MARCHF1: variants seen among roughly 807,000 people sequenced by gnomAD.
MARCHF1 encodes the protein membrane associated ring-CH-type finger 1.
A neutral mutation model predicts 54.2 loss-of-function variants in MARCHF1; 40 were observed. The ratio of observed to expected loss-of-function variants is 0.74; its 90% CI spans 0.57 to 0.96. MARCHF1 has a LOEUF of 0.96. Among genes scored for constraint, MARCHF1 ranks in the 40% least tolerant of loss-of-function variants. MARCHF1 has a pLI of 0.00. For missense variants in MARCHF1, 586 were observed against 656.5 expected, an observed-to-expected ratio of 0.89 and a Z score of 1.17; for synonymous variants, 236 against 236.3, an observed-to-expected ratio of 1.00 and a Z score of 0.01.
chr4:163,677,501 T>A (rs1387935433), intron 5 of MARCHF1, among the ~76,000 whole-genome samples: 1 of 152,236 alleles, frequency 6.6e-6, no homozygotes, highest in Non-Finnish European at 1.5e-5. Context: ...CCATGTTTAG[T>A]GCTTTTGTAA....
chr4:163,917,633 T>A (rs1178850886), intron 3 of MARCHF1, among the ~76,000 whole-genome samples: 1 of 152,198 alleles, frequency 6.6e-6, no homozygotes, highest in Non-Finnish European at 1.5e-5. Context: ...CTTCAACTTT[T>A]AAGTTCCAGG....
intron 2 of MARCHF1, among the ~76,000 whole-genome samples, chr4:164,048,950 G>A (rs1463666495): frequency 6.6e-6 from 1 of 152,034 alleles, no homozygotes; most frequent in Non-Finnish European, 1.5e-5. Flanking sequence ...AACTTTCTAA[G>A]CTAGATAATA....
chr4:163,866,074 T>C (rs946993267), intron 3 of MARCHF1, among the ~76,000 whole-genome samples: 2 of 151,718 alleles, frequency 1.3e-5, no homozygotes, highest in Non-Finnish European at 3.0e-5. Flanking sequence ...TTGACTTTGG[T>C]CTCTAGGGAA....
intron 4 of MARCHF1, among the ~76,000 whole-genome samples, chr4:163,758,441 C>T (rs919400448): frequency 6.6e-6 from 1 of 152,072 alleles, no homozygotes; most frequent in Non-Finnish European, 1.5e-5. Context: ...ACTAGACTGT[C>T]GTATGTGATA....
In MARCHF1 at chr4:163,545,746, GC is replaced by G. The variant is rs1738878884; in HGVS notation, c.1192-4del. On this transcript the variant is annotated splice_region_variant and splice_polypyrimidine_tract_variant and intron_variant, in intron 8 of 9. Coordinates refer to ENST00000514618, the MANE Select transcript of MARCHF1 (RefSeq NM_001394959.1). ...GTGGTCATCTGTAGTTTCTCCCACTGCAATCAGAAATGAAGGACACAAAACT... is the reference window on the plus strand; with the variant it reads ...GTGGTCATCTGTAGTTTCTCCCACTGAATCAGAAATGAAGGACACAAAACT... The G allele has an allele frequency of 7.4e-6, 12 of 1,612,080 alleles. No individual in the cohort carries two copies. Among genetic ancestry groups the G allele is most frequent in the Non-Finnish European group, 1.0e-5 (12 of 1,179,366 alleles).
At chr4:163,721,342 C>T (rs529080404) in intron 4 of MARCHF1, among the ~76,000 whole-genome samples, 3,607 of 152,172 alleles carry the variant, frequency 0.024, 58 homozygotes, top group Non-Finnish European at 0.029. Context: ...TATTGATTTG[C>T]ATATGTTGAA....
At chr4:163,797,883 C>T (rs1747963989) in intron 4 of MARCHF1, among the ~76,000 whole-genome samples, 1 of 152,064 alleles carries the variant, frequency 6.6e-6, no homozygotes. Context: ...TTGTTTTCTG[C>T]TCACACTCAT....
chr4:164,236,268 C>T lies in MARCHF1; in HGVS notation c.-322-124606G>A, dbSNP rs538450452. ...TCCACAGCAGCTGGTTGAAACATTT[C>T]CATTAATAAATCAATATATAACCTT... On this transcript the variant is annotated intron_variant, in intron 1 of 9. Transcript: ENST00000514618. Among the ~76,000 whole-genome samples, 8 of 152,178 alleles carry T rather than the reference C, an allele frequency of 5.3e-5. No individual in the cohort carries two copies. The East Asian group carries it at 1.4e-3, about 26-fold the overall frequency.
intron 1 of MARCHF1, among the ~76,000 whole-genome samples, chr4:164,250,317 CAAATT>C (rs1733087792): frequency 1.3e-5 from 2 of 151,728 alleles, no homozygotes; most frequent in African/African-American, 4.8e-5. Flanking sequence ...TGTAGATATT[CAAATT>C]AACTGTTACA....
intron 1 of MARCHF1, among the ~76,000 whole-genome samples, chr4:164,119,828 C>A (rs1756026188): frequency 6.6e-6 from 1 of 151,552 alleles, no homozygotes; most frequent in African/African-American, 2.4e-5. Context: ...GATCAATTTT[C>A]AAAAAGAAAA....
intron 4 of MARCHF1, among the ~76,000 whole-genome samples, chr4:163,739,863 G>C (rs919991204): frequency 1.3e-5 from 2 of 152,054 alleles, no homozygotes; most frequent in Non-Finnish European, 2.9e-5. Context: ...TTGTAAAAAA[G>C]CCTATTTGTT....
At chr4:163,973,205 G>A (rs1042297390) in intron 3 of MARCHF1, among the ~76,000 whole-genome samples, 1 of 152,196 alleles carries the variant, frequency 6.6e-6, no homozygotes, top group Non-Finnish European at 1.5e-5. Flanking sequence ...TTCTGTTGCT[G>A]TATAACAAAC....
chr4:164,241,823 A>G (rs1201985076), intron 1 of MARCHF1, among the ~76,000 whole-genome samples: 4 of 152,228 alleles, frequency 2.6e-5, no homozygotes, highest in South Asian at 2.1e-4. Context: ...GGGAAGCACA[A>G]GAGGTCAGGG....
At chr4:163,586,346 G>A (rs1365945367) in intron 7 of MARCHF1, among the ~76,000 whole-genome samples, 1 of 152,052 alleles carries the variant, frequency 6.6e-6, no homozygotes, top group Admixed American at 6.5e-5. Context: ...ATCTCGTTAT[G>A]TATGTGCAAA....
intron 5 of MARCHF1, among the ~76,000 whole-genome samples, chr4:163,651,182 C>A (rs1419096089): frequency 6.6e-6 from 1 of 151,802 alleles, no homozygotes; most frequent in Non-Finnish European, 1.5e-5. Flanking sequence ...CATTTGAAAC[C>A]AGGTGGAAGT....
chr4:163,544,465 C>T (rs1440166602), intron 9 of MARCHF1, among the ~76,000 whole-genome samples: 2 of 152,168 alleles, frequency 1.3e-5, no homozygotes, highest in African/African-American at 4.8e-5. Flanking sequence ...CCCTCTTTGA[C>T]GCACAGAAAC....
chr4:163,601,502 T>C (rs1740964004), intron 7 of MARCHF1, among the ~76,000 whole-genome samples: 1 of 151,956 alleles, frequency 6.6e-6, no homozygotes, highest in Admixed American at 6.6e-5. Flanking sequence ...TCTGGACACA[T>C]ATTGTTCTTA....
chr4:164,285,753 G>A (rs185895715), intron 1 of MARCHF1, among the ~76,000 whole-genome samples: 6 of 146,178 alleles, frequency 4.1e-5, no homozygotes, highest in African/African-American at 7.6e-5. Flanking sequence ...GAGCCACCGC[G>A]ACCGGCATTA....
chr4:164,126,173 C>A (rs189357673), intron 1 of MARCHF1, among the ~76,000 whole-genome samples: 142 of 152,264 alleles, frequency 9.3e-4, no homozygotes, highest in African/African-American at 3.2e-3. Context: ...AATCTAATTA[C>A]CAATGTGATG....
Sources: gnomAD v4.1 joint callset for allele counts (sites outside exome capture counted in the v4.1 genomes callset) on GRCh38, gnomAD v4.1.1 for gene constraint, MANE v1.5 for transcripts, NCBI Gene and HGNC (gene_info 2026-07-23, HGNC 2026-07-21) for gene names.